PARD3B: variants seen among roughly 807,000 people sequenced by gnomAD.
The protein encoded by PARD3B is par-3 family cell polarity regulator beta.
A neutral mutation model predicts 130.2 loss-of-function variants in PARD3B; 103 were observed. The observed-to-expected ratio is 0.79, with a 90% confidence interval of 0.67 to 0.93. The LOEUF (loss-of-function observed/expected upper bound fraction) is 0.93. PARD3B is among the 40% of genes least tolerant of loss of function. PARD3B has a pLI of 0.00. For missense variants in PARD3B, 1,609 were observed against 1,499.2 expected, an observed-to-expected ratio of 1.07 and a Z score of -1.21; for synonymous variants, 583 against 553.2, an observed-to-expected ratio of 1.05 and a Z score of -0.76.
At chr2:205,100,714 A>C (rs566576778) in intron 4 of PARD3B, among the ~76,000 whole-genome samples, 1 of 152,290 alleles carries the variant, frequency 6.6e-6, no homozygotes, top group Non-Finnish European at 1.5e-5. Context: ...ATTTTCTTTA[A>C]GGGTGTCGAG....
intron 11 of PARD3B, among the ~76,000 whole-genome samples, chr2:205,163,681 T>C (rs1007264683): frequency 6.6e-5 from 10 of 152,196 alleles, no homozygotes; most frequent in African/African-American, 2.4e-4. Flanking sequence ...CTCATTGTCA[T>C]GTGAGACATT....
At chr2:204,580,208 G>A (rs1050339684) in intron 1 of PARD3B, among the ~76,000 whole-genome samples, 15 of 152,158 alleles carry the variant, frequency 9.9e-5, no homozygotes, top group African/African-American at 3.1e-4. Context: ...TAAAGAGAGA[G>A]GGGAAAGAGT....
At chr2:204,969,816 A>G (rs999217359) in intron 3 of PARD3B, among the ~76,000 whole-genome samples, 5 of 152,232 alleles carry the variant, frequency 3.3e-5, no homozygotes, top group Non-Finnish European at 5.9e-5. Flanking sequence ...ATCAAAAGCT[A>G]CTGAGAGAAC....
At chr2:205,053,788 C>G (rs1699399823) in intron 4 of PARD3B, among the ~76,000 whole-genome samples, 1 of 152,026 alleles carries the variant, frequency 6.6e-6, no homozygotes, top group South Asian at 2.1e-4. Flanking sequence ...ATGGCTCTAT[C>G]CATTGTTTTC....
intron 22 of PARD3B, among the ~76,000 whole-genome samples, chr2:205,610,823 A>G (rs1479012518): frequency 6.6e-6 from 1 of 152,076 alleles, no homozygotes; most frequent in Non-Finnish European, 1.5e-5. Flanking sequence ...CTCAACCACC[A>G]TCAATCCCTG....
chr2:204,595,305 C>A (rs1319601522), intron 1 of PARD3B, among the ~76,000 whole-genome samples: 1 of 152,210 alleles, frequency 6.6e-6, no homozygotes, highest in Non-Finnish European at 1.5e-5. Flanking sequence ...TCTGTCTAAA[C>A]CATTGACAGT....
intron 1 of PARD3B, among the ~76,000 whole-genome samples, chr2:204,643,136 A>AAAAAAAAAAAAAAAAAAAAAAAG (rs1559202402): frequency 6.9e-6 from 1 of 145,200 alleles, no homozygotes; most frequent in Non-Finnish European, 1.5e-5. Flanking sequence ...AAAAAAAAAA[A>AAAAAAAAAAAAAAAAAAAAAAAG]TGTTTGGCAC....
chr2:205,545,956 A>G (rs531035997), intron 21 of PARD3B, among the ~76,000 whole-genome samples: 12 of 152,328 alleles, frequency 7.9e-5, no homozygotes, highest in African/African-American at 2.6e-4. Flanking sequence ...CTAGAAATAC[A>G]TACTAATTTA....
chr2:204,693,284 T>C (rs553182977), intron 2 of PARD3B, among the ~76,000 whole-genome samples: 2 of 152,192 alleles, frequency 1.3e-5, no homozygotes, highest in African/African-American at 4.8e-5. Context: ...AAGGTTACTG[T>C]AATTGACAAG....
chr2:205,503,205 T>G (rs2050222830), intron 21 of PARD3B, among the ~76,000 whole-genome samples: 1 of 152,152 alleles, frequency 6.6e-6, no homozygotes, highest in African/African-American at 2.4e-5. Context: ...CAGCCAGGAA[T>G]AGATCTAAGC....
At chr2:204,795,846 T>G (rs1051730093) in intron 2 of PARD3B, among the ~76,000 whole-genome samples, 10 of 152,224 alleles carry the variant, frequency 6.6e-5, no homozygotes, top group African/African-American at 2.2e-4. Flanking sequence ...AGGAAGTAAT[T>G]TCTTTCCCTT....
At chr2:205,145,328 CAA>C (rs35788115) in intron 10 of PARD3B, among the ~76,000 whole-genome samples, 2 of 145,308 alleles carry the variant, frequency 1.4e-5, no homozygotes, top group East Asian at 2.0e-4. Flanking sequence ...GCCGCCCCCG[CAA>C]AAAAAAAAGA....
At chr2:205,245,911 T>G (rs567383850) in intron 16 of PARD3B, 89 bp downstream of exon 16, 15 of 1,097,510 alleles carry the variant, frequency 1.4e-5, no homozygotes, top group Admixed American at 1.7e-5. Context: ...TTCTATCCAC[T>G]AGTCACTGAA....
At chr2:204,579,022 G>A (rs544065412) in intron 1 of PARD3B, among the ~76,000 whole-genome samples, 10 of 152,086 alleles carry the variant, frequency 6.6e-5, no homozygotes, top group African/African-American at 2.2e-4. Context: ...ACTGGATCTC[G>A]TTTTAGGAGA....
intron 2 of PARD3B, among the ~76,000 whole-genome samples, chr2:204,866,395 A>T (rs2125637882): frequency 6.6e-6 from 1 of 152,290 alleles, no homozygotes; most frequent in African/African-American, 2.4e-5. Context: ...AGTACTTAAT[A>T]TATGTGAGCT....
chr2:204,834,466 G>A (rs2043955739), intron 2 of PARD3B, among the ~76,000 whole-genome samples: 1 of 152,206 alleles, frequency 6.6e-6, no homozygotes, highest in Non-Finnish European at 1.5e-5. Flanking sequence ...CTGTAGAGGA[G>A]CTACATTATA....
chr2:205,271,580 A>C (rs2105800049), intron 16 of PARD3B, among the ~76,000 whole-genome samples: 1 of 152,362 alleles, frequency 6.6e-6, no homozygotes, highest in East Asian at 1.9e-4. Context: ...CCAAAGCAGA[A>C]ATATTTGCTC....
chr2:205,593,450 T>C (rs2054460183), intron 22 of PARD3B, among the ~76,000 whole-genome samples: 1 of 152,230 alleles, frequency 6.6e-6, no homozygotes, highest in Non-Finnish European at 1.5e-5. Flanking sequence ...ATTTTTCAGC[T>C]TCTGGTTTTG....
intron 1 of PARD3B, among the ~76,000 whole-genome samples, chr2:204,548,367 G>A (rs1342042884): frequency 1.3e-5 from 2 of 152,164 alleles, no homozygotes; most frequent in Non-Finnish European, 2.9e-5. Flanking sequence ...TGCAGGCCCT[G>A]TTTTAGGAAC....
Sources: allele counts gnomAD v4.1 joint callset (sites outside exome capture counted in the v4.1 genomes callset), GRCh38; gene constraint gnomAD v4.1.1; transcripts MANE v1.5; gene names NCBI Gene and HGNC (gene_info 2026-07-23, HGNC 2026-07-21).